OCA2: variants seen among roughly 807,000 people sequenced by gnomAD.
The protein encoded by OCA2 is OCA2 melanosomal transmembrane protein, also known as P protein.
In OCA2, 77 loss-of-function variants were observed where a neutral mutation model predicts 100.2. The ratio of observed to expected loss-of-function variants is 0.77; its 90% CI spans 0.64 to 0.93. The LOEUF is 0.93. OCA2 is among the 40% of genes least tolerant of loss of function. The pLI is 0.00. For synonymous variants in OCA2, 432 were observed against 439.2 expected, an observed-to-expected ratio of 0.98 and a Z score of 0.21; for missense variants, 1,062 against 1,089.1, an observed-to-expected ratio of 0.98 and a Z score of 0.35.
intron 23 of OCA2, among the ~76,000 whole-genome samples, chr15:27,814,582 A>G (rs1191308035): frequency 6.6e-6 from 1 of 152,204 alleles, no homozygotes; most frequent in East Asian, 1.9e-4. Context: ...TGTTCATATT[A>G]AAATAAAAAT....
In OCA2 at chr15:27,919,693, T is replaced by C. The variant is rs555907173; in HGVS notation, c.2079+6434A>G. Among the ~76,000 whole-genome samples, 24 of 152,272 alleles carry C rather than the reference T, an allele frequency of 1.6e-4. No individual in the cohort carries two copies. In the East Asian group the frequency reaches 4.6e-3, roughly 29 times the overall value. On this transcript the variant is annotated intron_variant, in intron 19 of 23. Transcript: ENST00000354638. ...ACTACTCTGTATGATACCATAATGA[T>C]GGATACATGTCATTATACCTTGTCC...
rs146153453 is a variant in OCA2 at position 27,962,626 on chromosome 15, A to G, written c.1636+4064T>C. Among the ~76,000 whole-genome samples, 25 of 152,342 alleles carry G rather than the reference A, an allele frequency of 1.6e-4. No homozygotes were observed. In the East Asian group the frequency reaches 4.6e-3, roughly 28 times the overall value. ...TATAATATCGCTCAAAGTTAGTGGTATAATAGTCACTAAAATCACAAAACA... is the reference window on the plus strand; with the variant it reads ...TATAATATCGCTCAAAGTTAGTGGTGTAATAGTCACTAAAATCACAAAACA... On this transcript the variant is annotated intron_variant, in intron 15 of 23. Coordinates refer to ENST00000354638, the MANE Select transcript of OCA2 (RefSeq NM_000275.3).
At position 27,871,172 on chromosome 15, in the gene OCA2, G is replaced by GA. The variant is rs2036555943; in HGVS notation, c.2225dup (p.Phe744ValfsTer17). The stretch of plus-strand genomic sequence containing the variant: ...AACTCACCATGGTAGCAGTGAACGG[G>GA]ATGTTGTCAATCAGGGACGACGCCA... On this transcript the variant is annotated frameshift_variant, in exon 21 of 24. Coordinates refer to ENST00000354638, the MANE Select transcript of OCA2 (RefSeq NM_000275.3). LOFTEE classifies it high-confidence loss of function. The GA allele has an allele frequency of 6.2e-7, 1 of 1,613,708 alleles. No homozygotes were observed. The highest frequency in any genetic ancestry group is 1.3e-5 in the African/African-American group (1 of 74,924).
intron 23 of OCA2, among the ~76,000 whole-genome samples, chr15:27,820,662 A>C (rs1175867733): frequency 6.6e-6 from 1 of 152,230 alleles, no homozygotes; most frequent in Non-Finnish European, 1.5e-5. Flanking sequence ...TCAAGGAAGA[A>C]TTAAGGAAAT....
intron 9 of OCA2, among the ~76,000 whole-genome samples, chr15:27,993,427 G>A (rs184713417): frequency 3.3e-4 from 50 of 152,262 alleles, no homozygotes; most frequent in African/African-American, 1.2e-3. Flanking sequence ...CTCTCTCCTC[G>A]TGGGGCCTTG....
In OCA2 at chr15:27,879,338, C is replaced by G. The variant is rs1025563909; in HGVS notation, c.2080-7416G>C. On this transcript the variant is annotated intron_variant, in intron 19 of 23. Transcript: ENST00000354638. The stretch of plus-strand genomic sequence containing the variant: ...CATATAAGTGCATGTATCTTTATAG[C>G]AGAATGATTTATATTCCTTTGGGTA... 3.9e-5 allele frequency among the ~76,000 whole-genome samples: 6 copies of G among 152,060 alleles called. No homozygotes were observed. The South Asian group carries it at 1.2e-3, about 32-fold the overall frequency.
chr15:27,817,678 C>T (rs1161780924), intron 23 of OCA2, among the ~76,000 whole-genome samples: 1 of 152,164 alleles, frequency 6.6e-6, no homozygotes, highest in Non-Finnish European at 1.5e-5. Context: ...CTCCCAGCTC[C>T]TCATTTGGCG....
intron 23 of OCA2, among the ~76,000 whole-genome samples, chr15:27,843,452 T>C (rs1445807058): frequency 2.6e-5 from 4 of 152,360 alleles, no homozygotes; most frequent in South Asian, 4.1e-4. Flanking sequence ...ATATTTGCTG[T>C]AATCAATGCT....
intron 19 of OCA2, among the ~76,000 whole-genome samples, chr15:27,905,020 C>T (rs1381601968): frequency 6.6e-5 from 10 of 152,102 alleles, no homozygotes; most frequent in South Asian, 6.2e-4. Flanking sequence ...AAAAATTAGC[C>T]GGGCGTGGTG....
At chr15:27,875,059 A>G in intron 19 of OCA2, among the ~76,000 whole-genome samples, 1 of 152,192 alleles carries the variant, frequency 6.6e-6, no homozygotes, top group East Asian at 1.9e-4. Context: ...GAACCCAAAG[A>G]AGTGAAGAGA....
At chr15:27,755,583 G>A (rs2030289139) in intron 23 of OCA2, 111 bp from the exon 24 acceptor site, 3 of 782,050 alleles carry the variant, frequency 3.8e-6, no homozygotes, top group Admixed American at 1.9e-5. Context: ...TTTTCACAAT[G>A]GCCACTACCT....
chr15:27,821,520 AATC>A (rs2034501232), intron 23 of OCA2, among the ~76,000 whole-genome samples: 2 of 152,088 alleles, frequency 1.3e-5, no homozygotes. Flanking sequence ...GTACACACCA[AATC>A]ATAATTCACA....
chr15:27,753,848 T>A (rs759949118), downstream of OCA2, among the ~76,000 whole-genome samples: 5 of 152,016 alleles, frequency 3.3e-5, no homozygotes, highest in Admixed American at 1.3e-4. Context: ...AGATGGGGCC[T>A]GAGCATTGTA....
intron 23 of OCA2, among the ~76,000 whole-genome samples, chr15:27,812,766 A>G (rs1346279015): frequency 6.6e-6 from 1 of 152,148 alleles, no homozygotes; most frequent in Non-Finnish European, 1.5e-5. Context: ...CCCTGGGTGC[A>G]TACCATGCAC....
intron 2 of OCA2, among the ~76,000 whole-genome samples, chr15:28,068,405 T>C (rs1595902898): frequency 6.6e-6 from 1 of 152,144 alleles, no homozygotes; most frequent in African/African-American, 2.4e-5. Context: ...AAGACTGAAT[T>C]AGGAAGAGAT....
chr15:27,962,055 T>C (rs991519211), intron 15 of OCA2, among the ~76,000 whole-genome samples: 1 of 152,226 alleles, frequency 6.6e-6, no homozygotes, highest in Admixed American at 6.5e-5. Flanking sequence ...GATAGGAAGA[T>C]GACTGATATT....
chr15:27,943,644 A>T (rs2140517607), intron 18 of OCA2, among the ~76,000 whole-genome samples: 1 of 149,316 alleles, frequency 6.7e-6, no homozygotes, highest in South Asian at 2.1e-4. Flanking sequence ...CAATGTGCAC[A>T]TGTGCCCTAA....
chr15:27,992,028 T>G (rs192868374), intron 9 of OCA2, among the ~76,000 whole-genome samples: 2 of 152,326 alleles, frequency 1.3e-5, no homozygotes, highest in East Asian at 3.9e-4. Context: ...TGTAAATACC[T>G]AAAATCCAAT....
chr15:27,997,060 A>AGAAG (rs2041755877), intron 9 of OCA2, among the ~76,000 whole-genome samples: 1 of 128,658 alleles, frequency 7.8e-6, no homozygotes, highest in South Asian at 2.5e-4. Flanking sequence ...AAGGAAGGAA[A>AGAAG]GAAGGAAGGA....
Sources: gnomAD v4.1 joint callset for allele counts (sites outside exome capture counted in the v4.1 genomes callset) on GRCh38, gnomAD v4.1.1 for gene constraint, MANE v1.5 for transcripts, NCBI Gene and HGNC (gene_info 2026-07-23, HGNC 2026-07-21) for gene names.